The following TMEM33 variants were observed in gnomAD, a reference collection of about 807,000 sequenced individuals.
TMEM33 encodes transmembrane protein 33.
TMEM33 carries 16 observed loss-of-function variants against 29.7 expected under a neutral mutation model. The ratio of observed to expected loss-of-function variants is 0.54; its 90% CI spans 0.36 to 0.82. The LOEUF (loss-of-function observed/expected upper bound fraction) is 0.82. TMEM33 is among the 40% of genes least tolerant of loss of function. The pLI is 0.00. For missense variants in TMEM33, 252 were observed against 295.3 expected (o/e 0.85, Z 1.08); for synonymous variants, 112 against 109.4 (o/e 1.02, Z -0.15).
At position 41,944,892 on chromosome 4, in the gene TMEM33, T is replaced by A; in HGVS notation, c.496T>A (p.Phe166Ile). The change falls in exon 5 of 7, where the codon TTC becomes ATC. Residue 166 changes from phenylalanine (F) to isoleucine (I), a missense_variant. Phe to Ile is a conservative substitution (Grantham distance 21). Coordinates refer to ENST00000504986, the MANE Select transcript of TMEM33 (RefSeq NM_018126.3). ...GAAATTCATTGCTTGCAATGAAATA[T>A]TCCTGATGCCTGCGACAGTTTTTAT... The part of the protein sequence containing the change: ...ILKFIACNEI[F>I]LMPATVFMLF... 6.2e-7 allele frequency: 1 copy of A among 1,613,388 alleles called. No individual in the cohort carries two copies. Among genetic ancestry groups the A allele is most frequent in the Non-Finnish European group, 8.5e-7 (1 of 1,179,812 alleles).
chr4:41,944,781 C>A lies in TMEM33; in HGVS notation c.397-12C>A, dbSNP rs764763797. The A allele has an allele frequency of 3.7e-6, 6 of 1,610,994 alleles. No homozygotes were observed. Among genetic ancestry groups the A allele is most frequent in the Admixed American group, 1.7e-5 (1 of 59,364 alleles). On this transcript the variant is annotated splice_polypyrimidine_tract_variant and intron_variant, in intron 4 of 6. Transcript: ENST00000504986. ...TTCACTTATTTCTAATGTTGGTTTT[C>A]TTTTGTTTTAGGCAAGGGGCTCAAA...
intron 1 of TMEM33, among the ~76,000 whole-genome samples, chr4:41,936,346 G>A (rs1370377939): frequency 6.6e-6 from 1 of 152,122 alleles, no homozygotes; most frequent in African/African-American, 2.4e-5. Context: ...TTAGAGACCA[G>A]CCTTGGAAAC....
intron 5 of TMEM33, among the ~76,000 whole-genome samples, 164 bp from the exon 6 acceptor site, chr4:41,949,138 A>G (rs1307917400): frequency 6.6e-6 from 1 of 152,160 alleles, no homozygotes; most frequent in Admixed American, 6.5e-5. Flanking sequence ...ACATTCTTTT[A>G]TATCCTTTTT....
At chr4:41,948,656 T>A (rs1479752450) in intron 5 of TMEM33, among the ~76,000 whole-genome samples, 1 of 152,276 alleles carries the variant, frequency 6.6e-6, no homozygotes, top group East Asian at 1.9e-4. Flanking sequence ...GCATATTAAA[T>A]CCATTAAATA....
chr4:41,935,168 C>T (rs1289345156), upstream of TMEM33: 2 of 471,482 alleles, frequency 4.2e-6, no homozygotes, highest in Non-Finnish European at 7.6e-6. Flanking sequence ...CTGGAGCCGG[C>T]GGCGTAGGTT....
At chr4:41,935,188 G>C, upstream of TMEM33, 1 of 535,186 alleles carries the variant, frequency 1.9e-6, no homozygotes, top group Non-Finnish European at 3.3e-6. Flanking sequence ...TGGCTCTTTA[G>C]GGCTTCACCC....
At position 41,935,450 on chromosome 4, in the gene TMEM33, C is replaced by A. The variant is rs756120341; in HGVS notation, c.-35C>A. Reference sequence around the variant, plus strand: ...TTCTCTCCCCTTTCTTCTCTCTTCGCGGTTGCGGCGTCGCAGACGCTAGTG... The same window carrying A: ...TTCTCTCCCCTTTCTTCTCTCTTCGAGGTTGCGGCGTCGCAGACGCTAGTG... On this transcript the variant is annotated 5_prime_UTR_variant, in exon 1 of 7. Transcript: ENST00000504986. The A allele has an allele frequency of 1.3e-6, 2 of 1,592,716 alleles. No homozygotes were observed. Among genetic ancestry groups the A allele is most frequent in the East Asian group, 4.5e-5 (2 of 44,150 alleles).
At chr4:41,939,958 A>G (rs1712439322) in intron 3 of TMEM33, 1 of 370,656 alleles carries the variant, frequency 2.7e-6, no homozygotes, top group South Asian at 2.1e-5. Context: ...TCACATTTCA[A>G]AGGTGTGTTG....
intron 1 of TMEM33, among the ~76,000 whole-genome samples, chr4:41,935,777 T>C (rs1477141192): frequency 2.0e-5 from 3 of 152,124 alleles, no homozygotes; most frequent in African/African-American, 7.2e-5. Context: ...GCCATGGAAA[T>C]TGGGCCTTCT....
chr4:41,944,424 C>T (rs1465721914), intron 4 of TMEM33, among the ~76,000 whole-genome samples: 4 of 152,130 alleles, frequency 2.6e-5, no homozygotes, highest in East Asian at 3.9e-4. Context: ...AATTACACTG[C>T]TGTATAATTC....
chr4:41,953,818 A>G, intron 6 of TMEM33: 1 of 508,644 alleles, frequency 2.0e-6, no homozygotes, highest in Admixed American at 2.3e-5. Flanking sequence ...GTAACAGAAC[A>G]GATCACAGAT....
At chr4:41,942,027 C>G (rs1386202552) in intron 3 of TMEM33, among the ~76,000 whole-genome samples, 1 of 152,178 alleles carries the variant, frequency 6.6e-6, no homozygotes, top group Non-Finnish European at 1.5e-5. Context: ...GAGCATGAAA[C>G]TTGACCTAGG....
rs865921814 is a variant in TMEM33, at chr4:41,946,969, G to A, written c.530+2043G>A. On this transcript the variant is annotated intron_variant, in intron 5 of 6. Coordinates refer to ENST00000504986, the MANE Select transcript of TMEM33 (RefSeq NM_018126.3). ...GGTAGATACCAGGCCGAGCACGGTG[G>A]CTCACAGCCTGTAAACCCAGCACTT... Among the ~76,000 whole-genome samples the A allele has an allele frequency of 3.9e-5, 6 of 152,224 alleles. No homozygotes were observed. The South Asian group carries it at 6.2e-4, about 16-fold the overall frequency.
At chr4:41,935,583 A>T in intron 1 of TMEM33, 54 bp downstream of exon 1, 1 of 1,560,196 alleles carries the variant, frequency 6.4e-7, no homozygotes, top group South Asian at 1.2e-5. Context: ...AGGAAGAAGC[A>T]GGAAGCGTTG....
At chr4:41,935,829 C>T (rs570449905) in intron 1 of TMEM33, among the ~76,000 whole-genome samples, 1 of 152,306 alleles carries the variant, frequency 6.6e-6, no homozygotes, top group South Asian at 2.1e-4. Context: ...CCGTAGGCCC[C>T]AAGGTTAAAG....
At position 41,957,070 on chromosome 4, in the gene TMEM33, A is replaced by C. The variant is rs957216037; in HGVS notation, c.*2871A>C. 1 of 152,284 alleles carries C rather than the reference A, an allele frequency of 6.6e-6. No individual in the cohort carries two copies. Among genetic ancestry groups the C allele is most frequent in the South Asian group, 2.1e-4 (1 of 4,824 alleles). 9.4% of individuals were successfully genotyped at this position (152,284 alleles called of 1,614,324 possible). ...AGTTCATTTAACATCCAGTGTGTCT[A>C]ATTCTTCTGGAAGTGGTGTAGTACC... On this transcript the variant is annotated 3_prime_UTR_variant, in exon 7 of 7. Coordinates refer to ENST00000504986, the MANE Select transcript of TMEM33 (RefSeq NM_018126.3).
intron 3 of TMEM33, among the ~76,000 whole-genome samples, chr4:41,943,406 T>C (rs1323477205): frequency 6.6e-6 from 1 of 151,940 alleles, no homozygotes; most frequent in African/African-American, 2.4e-5. Flanking sequence ...GCGCCTATAA[T>C]CCCAGCTACT....
intron 3 of TMEM33, 132 bp downstream of exon 3, chr4:41,939,515 T>C (rs965863195): frequency 8.6e-6 from 8 of 927,116 alleles, no homozygotes; most frequent in Admixed American, 5.5e-5. Context: ...AATGAAGATA[T>C]GTTTAGTGTA....
chr4:41,949,965 G>A (rs1043119202), intron 6 of TMEM33, among the ~76,000 whole-genome samples: 3 of 152,164 alleles, frequency 2.0e-5, no homozygotes, highest in African/African-American at 7.2e-5. Flanking sequence ...GACTCTAATG[G>A]AGATTCTGAA....
Sources: allele counts gnomAD v4.1 joint callset (sites outside exome capture counted in the v4.1 genomes callset), GRCh38; gene constraint gnomAD v4.1.1; transcripts MANE v1.5; gene names NCBI Gene and HGNC (gene_info 2026-07-23, HGNC 2026-07-21).